The following BICC1 variants were observed in gnomAD, a reference collection of about 807,000 sequenced individuals.
The protein encoded by BICC1 is BicC family RNA binding protein 1, also known as protein bicaudal C homolog 1.
A neutral mutation model predicts 111.0 loss-of-function variants in BICC1; 43 were observed. The ratio of observed to expected loss-of-function variants is 0.39; its 90% CI spans 0.30 to 0.50. The LOEUF (loss-of-function observed/expected upper bound fraction) is 0.50. Among genes scored for constraint, BICC1 ranks in the 20% least tolerant of loss-of-function variants. BICC1 has a pLI of 0.88. For missense variants in BICC1, 1,091 were observed against 1,203.2 expected (o/e 0.91, Z 1.38); for synonymous variants, 467 against 434.4 (o/e 1.07, Z -0.93).
chr10:58,814,487 G>A (rs1844021755), intron 18 of BICC1, among the ~76,000 whole-genome samples: 1 of 152,004 alleles, frequency 6.6e-6, no homozygotes, highest in South Asian at 2.1e-4. Flanking sequence ...AAGGACATAA[G>A]AAAGTGGTTG....
In BICC1 at chr10:58,783,614, AGGTGTG is replaced by A. The variant is rs1564611124; in HGVS notation, c.308-1386_308-1381del. Among the ~76,000 whole-genome samples the A allele has an allele frequency of 1.2e-3, 11 of 9,474 alleles. No individual in the cohort carries two copies. The Admixed American group carries it at 0.02, about 17-fold the overall frequency. The allele number at this position is 9,474 out of a possible 152,430, so 6.2% of individuals were successfully genotyped here. ...GGCGGAACTGGTGGTAAATTGTGAAAGGTGTGAAAGGTGTGAAAGGTGCTCAGTAAA... is the reference window on the plus strand; with the variant it reads ...GGCGGAACTGGTGGTAAATTGTGAAAAAAGGTGTGAAAGGTGCTCAGTAAA... On this transcript the variant is annotated intron_variant, in intron 3 of 20. Coordinates refer to ENST00000373886, the MANE Select transcript of BICC1 (RefSeq NM_001080512.3).
At chr10:58,568,216 G>T (rs1479664615) in intron 1 of BICC1, among the ~76,000 whole-genome samples, 1 of 152,130 alleles carries the variant, frequency 6.6e-6, no homozygotes, top group Admixed American at 6.6e-5. Flanking sequence ...GAAATTAAGT[G>T]CTCTCTACAG....
chr10:58,667,065 A>G (rs957182727), intron 2 of BICC1, among the ~76,000 whole-genome samples: 1 of 152,068 alleles, frequency 6.6e-6, no homozygotes, highest in Non-Finnish European at 1.5e-5. Context: ...AAAAAATTTC[A>G]ATTTAGTGCC....
intron 2 of BICC1, among the ~76,000 whole-genome samples, chr10:58,693,500 C>A (rs1839975169): frequency 6.6e-6 from 1 of 152,220 alleles, no homozygotes; most frequent in Non-Finnish European, 1.5e-5. Context: ...GTTCCTATTT[C>A]TCCACATCCT....
At chr10:58,572,438 A>G (rs543157538) in intron 1 of BICC1, among the ~76,000 whole-genome samples, 15 of 152,042 alleles carry the variant, frequency 9.9e-5, no homozygotes, top group Non-Finnish European at 2.2e-4. Context: ...GACTTGTTTA[A>G]TCGAACTGAT....
At chr10:58,556,898 G>T (rs1336858668) in intron 1 of BICC1, among the ~76,000 whole-genome samples, 3 of 152,028 alleles carry the variant, frequency 2.0e-5, no homozygotes, top group East Asian at 1.9e-4. Context: ...TTTTTAAGTG[G>T]TTTCTTCATA....
In BICC1 at chr10:58,715,640, A is replaced by G. The variant is rs139375954; in HGVS notation, c.307+13497A>G. ...GTCCAATCCAGTCTTCAGGGCCAAC[A>G]ATACAGGATTATCTGAATTGACCAA... On this transcript the variant is annotated intron_variant, in intron 3 of 20. Coordinates refer to ENST00000373886, the MANE Select transcript of BICC1 (RefSeq NM_001080512.3). 2,350 of 1,605,822 alleles carry G rather than the reference A, an allele frequency of 1.5e-3. 34 individuals are homozygous for G. The African/African-American group carries it at 0.027, about 19-fold the overall frequency.
Position 58,737,513 on chromosome 10 carries a change from GT to G in BICC1, c.307+35372del, listed in dbSNP as rs997887644. 5.9e-5 allele frequency among the ~76,000 whole-genome samples: 9 copies of G among 152,284 alleles called. No homozygotes were observed. In the East Asian group the frequency reaches 1.7e-3, roughly 29 times the overall value. ...CAGTCTATCATTGATGGACATTTGG[GT>G]TGGTTCCAAGTCTTCGCTATTGTGA... On this transcript the variant is annotated intron_variant, in intron 3 of 20. Coordinates refer to ENST00000373886, the MANE Select transcript of BICC1 (RefSeq NM_001080512.3).
intron 3 of BICC1, among the ~76,000 whole-genome samples, chr10:58,766,555 A>T (rs181775548): frequency 6.6e-6 from 1 of 152,308 alleles, no homozygotes; most frequent in East Asian, 1.9e-4. Context: ...TCAGCAAGAT[A>T]GCAGAATAGA....
chr10:58,814,180 TGTGC>T, intron 18 of BICC1, 194 bp downstream of exon 18: 1 of 681,804 alleles, frequency 1.5e-6, no homozygotes, highest in Middle Eastern at 2.4e-4. Context: ...CACTCCATTT[TGTGC>T]GTGCTTTCAC....
chr10:58,658,173 G>A (rs887718844), intron 2 of BICC1, among the ~76,000 whole-genome samples: 2 of 152,028 alleles, frequency 1.3e-5, no homozygotes, highest in South Asian at 2.1e-4. Flanking sequence ...CCTACAAGCC[G>A]GAGCTTTCAT....
At chr10:58,664,487 T>C (rs1039544693) in intron 2 of BICC1, among the ~76,000 whole-genome samples, 2 of 152,194 alleles carry the variant, frequency 1.3e-5, no homozygotes, top group African/African-American at 4.8e-5. Context: ...TTGTTCTGCA[T>C]TTCAGACATT....
chr10:58,828,008 A>T (rs1393506798), intron 20 of BICC1, among the ~76,000 whole-genome samples: 1 of 152,174 alleles, frequency 6.6e-6, no homozygotes, highest in Non-Finnish European at 1.5e-5. Context: ...TTATCTTAGT[A>T]TTTTCTCTGG....
chr10:58,540,905 A>G (rs556620306), intron 1 of BICC1, among the ~76,000 whole-genome samples: 13 of 152,266 alleles, frequency 8.5e-5, no homozygotes, highest in African/African-American at 2.6e-4. Context: ...GGTCCAGCAT[A>G]TAAAAATCAA....
chr10:58,763,592 A>G (rs1842378793), intron 3 of BICC1, among the ~76,000 whole-genome samples: 1 of 152,160 alleles, frequency 6.6e-6, no homozygotes, highest in African/African-American at 2.4e-5. Flanking sequence ...CTGAGTACAG[A>G]CTAGTGTTTA....
rs528608501 is a variant in BICC1, at chr10:58,715,964, G to A, written c.307+13821G>A. On this transcript the variant is annotated intron_variant, in intron 3 of 20. Coordinates refer to ENST00000373886, the MANE Select transcript of BICC1 (RefSeq NM_001080512.3). ...AAATGAAGAAAGAAAAAGAAGAACCGTTCACATAAATCTTCTGAAAGCTCC... is the reference window on the plus strand; with the variant it reads ...AAATGAAGAAAGAAAAAGAAGAACCATTCACATAAATCTTCTGAAAGCTCC... The A allele has an allele frequency of 3.7e-4, 505 of 1,381,596 alleles. 7 individuals are homozygous for A. The East Asian group carries it at 5.4e-3, about 15-fold the overall frequency. 85.6% of individuals were successfully genotyped at this position (1,381,596 alleles called of 1,614,324 possible).
In BICC1 at chr10:58,807,134, G is replaced by A; in HGVS notation, c.2352G>A (p.Lys784=). ...GAAGGGCCAATCATGTGTCCTATAA[G>A]CCCACAATGACAACCACTTATGAGG... is the stretch of plus-strand genomic sequence containing the variant. ...ELRRANHVSY[K]PTMTTTYEGS... Residue 784 remains lysine, a synonymous_variant, in exon 17 of 21, where the codon AAG becomes AAA. Coordinates refer to ENST00000373886, the MANE Select transcript of BICC1 (RefSeq NM_001080512.3). 6.2e-7 allele frequency: 1 copy of A among 1,613,626 alleles called. No individual in the cohort carries two copies. Among genetic ancestry groups the A allele is most frequent in the East Asian group, 2.2e-5 (1 of 44,832 alleles).
At chr10:58,578,760 A>T (rs182651256) in intron 1 of BICC1, among the ~76,000 whole-genome samples, 2 of 152,230 alleles carry the variant, frequency 1.3e-5, no homozygotes, top group African/African-American at 4.8e-5. Flanking sequence ...ATCAGAGAGA[A>T]ACACCATAAC....
At chr10:58,525,478 C>T (rs1284530415) in intron 1 of BICC1, among the ~76,000 whole-genome samples, 2 of 129,464 alleles carry the variant, frequency 1.5e-5, no homozygotes, top group Non-Finnish European at 3.3e-5. Flanking sequence ...AACCAAACAC[C>T]GCATGTTCTC....
Sources: gnomAD v4.1 joint callset for allele counts (sites outside exome capture counted in the v4.1 genomes callset) on GRCh38, gnomAD v4.1.1 for gene constraint, MANE v1.5 for transcripts, NCBI Gene and HGNC (gene_info 2026-07-23, HGNC 2026-07-21) for gene names.